The following ZNF536 variants were observed in gnomAD, a reference collection of about 807,000 sequenced individuals.
ZNF536 encodes zinc finger protein 536.
Under a neutral mutation model 84.5 loss-of-function variants are expected in ZNF536, and 13 were observed. That is an observed-to-expected ratio of 0.15 (90% confidence interval 0.10 to 0.24). The LOEUF (loss-of-function observed/expected upper bound fraction) is 0.24, where lower values mean the gene tolerates loss of function less well. Ranked by LOEUF, ZNF536 falls within the 10% of genes least tolerant of loss-of-function variation. ZNF536 has a pLI of 1.00. For missense variants in ZNF536, 1,536 were observed against 1,747.5 expected (o/e 0.88, Z 2.16); for synonymous variants, 811 against 742.5 (o/e 1.09, Z -1.50).
intron 2 of ZNF536, among the ~76,000 whole-genome samples, chr19:30,449,804 G>A (rs1209703735): frequency 1.2e-4 from 18 of 152,210 alleles, no homozygotes; most frequent in Admixed American, 1.2e-3. Context: ...TTCTTTTGTT[G>A]TTAGAGCTGC....
chr19:30,452,975 G>A (rs1342668911), intron 2 of ZNF536, among the ~76,000 whole-genome samples: 1 of 148,900 alleles, frequency 6.7e-6, no homozygotes, highest in Non-Finnish European at 1.5e-5. Flanking sequence ...AGGGGTGCAT[G>A]GTGTCGGGGG....
intron 1 of ZNF536, among the ~76,000 whole-genome samples, chr19:30,380,679 T>A (rs1183240384): frequency 2.6e-5 from 4 of 151,946 alleles, no homozygotes; most frequent in African/African-American, 9.7e-5. Flanking sequence ...CTTAAGGCAG[T>A]GAGAGGGAGG....
chr19:30,656,397 T>C (rs61288731), intron 1 of ZNF536, among the ~76,000 whole-genome samples: 5 of 152,160 alleles, frequency 3.3e-5, no homozygotes, highest in African/African-American at 9.7e-5. Context: ...ATTAAAACAA[T>C]ATGAAAACTC....
chr19:30,297,902 G>GGCC (rs1568313143), intron 2 of ZNF536, among the ~76,000 whole-genome samples: 3 of 119,622 alleles, frequency 2.5e-5, no homozygotes, highest in African/African-American at 1.2e-4. Context: ...TCAAGACGGA[G>GGCC]TCCCCCCCCC....
Position 30,444,303 on chromosome 19 carries a change from C to T in ZNF536, c.741C>T (p.Ser247=), listed in dbSNP as rs1410420191. The T allele has an allele frequency of 5.1e-6, 8 of 1,580,128 alleles. No individual in the cohort carries two copies. The highest frequency in any genetic ancestry group is 2.3e-5 in the East Asian group (1 of 43,702). The change falls in exon 2 of 5, where the codon AGC becomes AGT. Residue 247 remains serine, a synonymous_variant. Coordinates refer to ENST00000355537, the MANE Select transcript of ZNF536 (RefSeq NM_014717.3). ...ACTLALQANH[S]VPDVAHPVPS... Reference sequence around the variant, plus strand: ...CCCTGGCCCTGCAGGCTAACCACAGCGTTCCCGACGTGGCCCACCCGGTGC... The same window carrying T: ...CCCTGGCCCTGCAGGCTAACCACAGTGTTCCCGACGTGGCCCACCCGGTGC...
intron 1 of ZNF536, 115 bp from the exon 2 acceptor site, chr19:30,443,446 A>G (rs889720030): frequency 1.5e-6 from 2 of 1,375,864 alleles, no homozygotes; most frequent in Non-Finnish European, 1.9e-6. Context: ...AGAATTCCTT[A>G]GCATGATTAT....
intron 1 of ZNF536, among the ~76,000 whole-genome samples, chr19:30,263,051 G>C (rs2025310537): frequency 6.6e-6 from 1 of 152,158 alleles, no homozygotes; most frequent in African/African-American, 2.4e-5. Context: ...GCATGAGGGA[G>C]GATGTCCTGG....
At chr19:30,317,527 C>T (rs763353634) in intron 2 of ZNF536, among the ~76,000 whole-genome samples, 10 of 152,174 alleles carry the variant, frequency 6.6e-5, no homozygotes, top group Non-Finnish European at 1.2e-4. Context: ...TCTGTTTTCT[C>T]ACCCCATCCT....
intron 2 of ZNF536, among the ~76,000 whole-genome samples, chr19:30,462,284 T>G (rs1016664863): frequency 1.3e-5 from 2 of 148,978 alleles, no homozygotes; most frequent in African/African-American, 5.1e-5. Flanking sequence ...GGTTCTTTTC[T>G]TGTGATTTTG....
At chr19:30,273,149 G>C (rs2025946172) in intron 1 of ZNF536, among the ~76,000 whole-genome samples, 1 of 152,112 alleles carries the variant, frequency 6.6e-6, no homozygotes, top group African/African-American at 2.4e-5. Context: ...CGATCCTCCT[G>C]CCTCGACCTT....
chr19:30,453,599 C>T (rs867827254), intron 2 of ZNF536, among the ~76,000 whole-genome samples: 32 of 152,260 alleles, frequency 2.1e-4, no homozygotes, highest in Middle Eastern at 3.4e-3. Context: ...TAGAACTCAG[C>T]GGCTCAGCTT....
At chr19:30,458,042 C>T (rs376408799) in intron 2 of ZNF536, among the ~76,000 whole-genome samples, 55 of 152,278 alleles carry the variant, frequency 3.6e-4, no homozygotes, top group South Asian at 1.0e-3. Flanking sequence ...TGAAGCAAAA[C>T]GTCATATACT....
intron 2 of ZNF536, among the ~76,000 whole-genome samples, chr19:30,530,800 C>T (rs752852855): frequency 2.5e-4 from 38 of 152,212 alleles, no homozygotes; most frequent in Non-Finnish European, 4.4e-4. Flanking sequence ...GAGGGGCAGA[C>T]GCCAGTGCTT....
chr19:30,348,494 T>C (rs1244424349), intron 2 of ZNF536, among the ~76,000 whole-genome samples: 1 of 152,168 alleles, frequency 6.6e-6, no homozygotes, highest in East Asian at 1.9e-4. Context: ...GGACTGATAA[T>C]TTGTGGGCAC....
At chr19:30,294,676 C>T (rs563083566) in intron 2 of ZNF536, among the ~76,000 whole-genome samples, 44 of 152,006 alleles carry the variant, frequency 2.9e-4, no homozygotes, top group Non-Finnish European at 5.9e-4. Context: ...GTGGCCAATG[C>T]CCCCATGAGT....
chr19:30,591,219 C>T (rs946932508), intron 1 of ZNF536, among the ~76,000 whole-genome samples: 1 of 152,170 alleles, frequency 6.6e-6, no homozygotes, highest in African/African-American at 2.4e-5. Context: ...GGCAGGGATC[C>T]GAGGGTGTCC....
intron 1 of ZNF536, among the ~76,000 whole-genome samples, chr19:30,656,300 T>C (rs2049912524): frequency 6.6e-6 from 1 of 152,244 alleles, no homozygotes; most frequent in South Asian, 2.1e-4. Context: ...TTTATCAGAC[T>C]GCTTTTTGGA....
intron 2 of ZNF536, among the ~76,000 whole-genome samples, chr19:30,499,476 G>C (rs904750834): frequency 1.3e-5 from 2 of 151,976 alleles, no homozygotes; most frequent in Non-Finnish European, 2.9e-5. Flanking sequence ...GTGTATGTAG[G>C]TATCTATATG....
intron 1 of ZNF536, among the ~76,000 whole-genome samples, chr19:30,567,172 A>C (rs1287225394): frequency 2.0e-5 from 3 of 152,252 alleles, no homozygotes; most frequent in African/African-American, 7.2e-5. Context: ...AAAAGTACAT[A>C]ACAACAGCCA....
Sources: gnomAD v4.1 joint callset for allele counts (sites outside exome capture counted in the v4.1 genomes callset) on GRCh38, gnomAD v4.1.1 for gene constraint, MANE v1.5 for transcripts, NCBI Gene and HGNC (gene_info 2026-07-23, HGNC 2026-07-21) for gene names.